Variants in BBS9 observed in about 807,000 individuals in gnomAD.
BBS9 encodes Bardet-Biedl syndrome 9.
In BBS9, 89 loss-of-function variants were observed where a neutral mutation model predicts 117.7. The ratio of observed to expected loss-of-function variants is 0.76; its 90% CI spans 0.64 to 0.90. The LOEUF is 0.90. Among genes scored for constraint, BBS9 ranks in the 40% least tolerant of loss-of-function variants. BBS9 has a pLI of 0.00. For missense variants in BBS9, 982 were observed against 1,042.2 expected, an observed-to-expected ratio of 0.94 and a Z score of 0.80; for synonymous variants, 379 against 370.9, an observed-to-expected ratio of 1.02 and a Z score of -0.25.
At chr7:33,142,115 GT>G (rs1791569389) in intron 1 of BBS9, among the ~76,000 whole-genome samples, 1 of 152,008 alleles carries the variant, frequency 6.6e-6, no homozygotes, top group Admixed American at 6.6e-5. Flanking sequence ...TAGAGACGGG[GT>G]TTCACCGTGT....
In BBS9 at chr7:33,602,466, C is replaced by T. The variant is rs561439031; in HGVS notation, c.2522-2399C>T. Reference sequence around the variant, plus strand: ...GGGTGGTACCAGGCAGGGTGGCTCACGCCTGTAATCCCAGCACTTTGGGAG... The same window carrying T: ...GGGTGGTACCAGGCAGGGTGGCTCATGCCTGTAATCCCAGCACTTTGGGAG... On this transcript the variant is annotated intron_variant, in intron 21 of 22. Coordinates refer to ENST00000242067, the MANE Select transcript of BBS9 (RefSeq NM_198428.3). Among the ~76,000 whole-genome samples, 3 of 152,174 alleles carry T rather than the reference C, an allele frequency of 2.0e-5. No homozygotes were observed. In the East Asian group the frequency reaches 5.8e-4, roughly 29 times the overall value.
At chr7:33,537,509 C>G (rs2129065219) in intron 21 of BBS9, among the ~76,000 whole-genome samples, 1 of 152,308 alleles carries the variant, frequency 6.6e-6, no homozygotes, top group South Asian at 2.1e-4. Context: ...GTGTTCACAT[C>G]TTTCTGCTGG....
chr7:33,395,489 A>G (rs1827803570), intron 19 of BBS9, among the ~76,000 whole-genome samples: 1 of 152,152 alleles, frequency 6.6e-6, no homozygotes, highest in South Asian at 2.1e-4. Context: ...TCACTTCAAC[A>G]CTAACCCTCT....
intron 9 of BBS9, among the ~76,000 whole-genome samples, chr7:33,288,142 C>T (rs896830113): frequency 3.0e-4 from 45 of 152,256 alleles, no homozygotes; most frequent in African/African-American, 9.6e-4. Context: ...GGTGGAGCTA[C>T]CAGAAATTCG....
At chr7:33,628,440 G>A (rs1865743324) in intron 21 of BBS9, among the ~76,000 whole-genome samples, 1 of 152,192 alleles carries the variant, frequency 6.6e-6, no homozygotes. Flanking sequence ...CAGAATATGA[G>A]AGAAAAACAC....
chr7:33,508,042 A>G (rs1585060841), intron 20 of BBS9, among the ~76,000 whole-genome samples: 1 of 152,358 alleles, frequency 6.6e-6, no homozygotes, highest in East Asian at 1.9e-4. Flanking sequence ...ATATGACTGC[A>G]TTAGACTCAT....
At chr7:33,290,709 T>G (rs1369811926) in intron 9 of BBS9, among the ~76,000 whole-genome samples, 1 of 151,322 alleles carries the variant, frequency 6.6e-6, no homozygotes, top group African/African-American at 2.5e-5. Context: ...TACTCTAAGA[T>G]TAGAACAGAA....
intron 19 of BBS9, among the ~76,000 whole-genome samples, chr7:33,465,853 C>T (rs1159880660): frequency 6.6e-6 from 1 of 152,030 alleles, no homozygotes; most frequent in East Asian, 1.9e-4. Context: ...GTTAACTGGA[C>T]TATTAACTTG....
At chr7:33,376,239 T>C (rs761243284) in intron 17 of BBS9, among the ~76,000 whole-genome samples, 21 of 152,254 alleles carry the variant, frequency 1.4e-4, no homozygotes, top group South Asian at 4.1e-4. Flanking sequence ...TGTATCCATG[T>C]GTTCTCATTA....
intron 21 of BBS9, among the ~76,000 whole-genome samples, chr7:33,632,172 C>T (rs1003956036): frequency 1.3e-5 from 2 of 152,126 alleles, no homozygotes; most frequent in Admixed American, 6.5e-5. Context: ...TTCTGTCCTT[C>T]CAAAGGGCTT....
intron 9 of BBS9, among the ~76,000 whole-genome samples, chr7:33,285,298 C>G (rs1254682351): frequency 1.3e-5 from 2 of 152,112 alleles, no homozygotes; most frequent in African/African-American, 4.8e-5. Context: ...GAACTCTTGG[C>G]TTTCATGGGT....
chr7:33,476,327 C>G (rs1841799920), intron 19 of BBS9, among the ~76,000 whole-genome samples: 1 of 152,170 alleles, frequency 6.6e-6, no homozygotes, highest in Non-Finnish European at 1.5e-5. Flanking sequence ...TGCAGTTACT[C>G]TGAGCCATTC....
intron 19 of BBS9, among the ~76,000 whole-genome samples, chr7:33,422,351 T>G (rs1450047716): frequency 6.6e-6 from 1 of 152,196 alleles, no homozygotes; most frequent in Non-Finnish European, 1.5e-5. Flanking sequence ...GAATAAATAT[T>G]TACCATAGCA....
chr7:33,286,603 G>A (rs760911420), intron 9 of BBS9, among the ~76,000 whole-genome samples: 2 of 152,118 alleles, frequency 1.3e-5, no homozygotes, highest in Non-Finnish European at 2.9e-5. Flanking sequence ...CTGGGAAATA[G>A]CTCTATTTCC....
intron 19 of BBS9, among the ~76,000 whole-genome samples, chr7:33,498,646 C>T (rs183760455): frequency 6.6e-6 from 1 of 152,200 alleles, no homozygotes; most frequent in Admixed American, 6.5e-5. Flanking sequence ...TTTTGTTTAG[C>T]ATAACATCTT....
At chr7:33,599,467 T>G (rs1390114196) in intron 21 of BBS9, among the ~76,000 whole-genome samples, 1 of 152,220 alleles carries the variant, frequency 6.6e-6, no homozygotes, top group Non-Finnish European at 1.5e-5. Context: ...GGCTGGCTAA[T>G]GATTGCTATA....
At chr7:33,450,314 G>A (rs78464769) in intron 19 of BBS9, among the ~76,000 whole-genome samples, 13,809 of 152,164 alleles carry the variant, frequency 0.091, 667 homozygotes, top group South Asian at 0.14. Flanking sequence ...TGGCAATTGC[G>A]AATAATGCCG....
chr7:33,222,149 G>A (rs900217671), intron 5 of BBS9, among the ~76,000 whole-genome samples: 2 of 152,024 alleles, frequency 1.3e-5, no homozygotes, highest in African/African-American at 4.8e-5. Context: ...TTCATGTAGT[G>A]TGTGTGTGTG....
intron 17 of BBS9, among the ~76,000 whole-genome samples, chr7:33,369,306 C>T (rs1002016794): frequency 2.6e-5 from 4 of 151,920 alleles, no homozygotes; most frequent in Admixed American, 1.3e-4. Context: ...GCAAATGAGA[C>T]CATTAAAAAA....
Sources: gnomAD v4.1 joint callset for allele counts (sites outside exome capture counted in the v4.1 genomes callset) on GRCh38, gnomAD v4.1.1 for gene constraint, MANE v1.5 for transcripts, NCBI Gene and HGNC (gene_info 2026-07-23, HGNC 2026-07-21) for gene names.